Variants in PIK3CB observed in about 807,000 individuals in gnomAD.
The protein encoded by PIK3CB is phosphatidylinositol-4,5-bisphosphate 3-kinase catalytic subunit beta.
Under a neutral mutation model 136.8 loss-of-function variants are expected in PIK3CB, and 39 were observed. That is an observed-to-expected ratio of 0.29 (90% confidence interval 0.22 to 0.37). The LOEUF is 0.37. Ranked by LOEUF, PIK3CB falls within the 10% of genes least tolerant of loss-of-function variation. PIK3CB has a pLI of 1.00. For synonymous variants in PIK3CB, 428 were observed against 436.6 expected, an observed-to-expected ratio of 0.98 and a Z score of 0.25; for missense variants, 868 against 1,275.4, an observed-to-expected ratio of 0.68 and a Z score of 4.87.
intron 4 of PIK3CB, among the ~76,000 whole-genome samples, chr3:138,746,396 C>T (rs2045354750): frequency 6.6e-6 from 1 of 152,162 alleles, no homozygotes; most frequent in African/African-American, 2.4e-5. Context: ...CACGGTGGCT[C>T]ACGCCTGTAA....
At chr3:138,816,400 C>A (rs1933329981) in intron 1 of PIK3CB, among the ~76,000 whole-genome samples, 1 of 152,018 alleles carries the variant, frequency 6.6e-6, no homozygotes, top group Non-Finnish European at 1.5e-5. Context: ...TTGAGACCAG[C>A]CTGGCCAACA....
chr3:138,819,627 T>C (rs1933472143), intron 1 of PIK3CB, among the ~76,000 whole-genome samples: 1 of 152,152 alleles, frequency 6.6e-6, no homozygotes, highest in Non-Finnish European at 1.5e-5. Flanking sequence ...AGGTATCATC[T>C]CAAAGATTTT....
intron 8 of PIK3CB, among the ~76,000 whole-genome samples, chr3:138,719,202 A>G (rs1183794684): frequency 2.0e-5 from 3 of 147,846 alleles, no homozygotes; most frequent in Admixed American, 6.7e-5. Context: ...TAAACAAAGT[A>G]TCTAACTTAT....
At chr3:138,680,333 G>A (rs1417679442) in intron 19 of PIK3CB, among the ~76,000 whole-genome samples, 10 of 151,848 alleles carry the variant, frequency 6.6e-5, no homozygotes, top group Admixed American at 6.6e-4. Flanking sequence ...ACTCCAGCCT[G>A]GGTGACAGAG....
intron 19 of PIK3CB, among the ~76,000 whole-genome samples, chr3:138,671,223 T>C (rs2043525938): frequency 6.6e-6 from 1 of 152,212 alleles, no homozygotes; most frequent in Non-Finnish European, 1.5e-5. Context: ...TGTAAGCCTA[T>C]ACGATATTAC....
At chr3:138,809,259 C>T (rs1365467593) in intron 1 of PIK3CB, among the ~76,000 whole-genome samples, 1 of 151,564 alleles carries the variant, frequency 6.6e-6, no homozygotes, top group Admixed American at 6.6e-5. Flanking sequence ...GCCTGGGAGA[C>T]AGAGTGAGAT....
intron 1 of PIK3CB, among the ~76,000 whole-genome samples, chr3:138,833,912 A>T (rs1934155425): frequency 6.6e-6 from 1 of 152,180 alleles, no homozygotes; most frequent in African/African-American, 2.4e-5. Flanking sequence ...GCCCTGCGGG[A>T]AGAGACTGCA....
At chr3:138,762,613 C>T (rs1019747703) in intron 2 of PIK3CB, among the ~76,000 whole-genome samples, 5 of 152,178 alleles carry the variant, frequency 3.3e-5, no homozygotes, top group African/African-American at 1.2e-4. Flanking sequence ...AAGTAATAAG[C>T]ATTCAATAAG....
chr3:138,807,737 TTTAAAAA>T (rs1057131546), intron 1 of PIK3CB, among the ~76,000 whole-genome samples: 3 of 151,934 alleles, frequency 2.0e-5, no homozygotes, highest in Admixed American at 2.0e-4. Context: ...CACTAAAAAT[TTTAAAAA>T]TTAACCATAC....
At position 138,742,772 on chromosome 3, in the gene PIK3CB, T is replaced by A; in HGVS notation, c.407A>T (p.Glu136Val). 6.2e-7 allele frequency: 1 copy of A among 1,600,700 alleles called. No individual in the cohort carries two copies. Among genetic ancestry groups the A allele is most frequent in the Non-Finnish European group, 8.6e-7 (1 of 1,169,348 alleles). The change falls in exon 5 of 24, where the codon GAA becomes GTA. Residue 136 changes from glutamate (E) to valine (V), a missense_variant. Transcript: ENST00000674063. ...IGVLIGKGLHEFDSLKDPEVN... is the reference protein window; with the variant it reads ...IGVLIGKGLHVFDSLKDPEVN... ...TTCAGGATCCTTCAAGGAATCAAAT[T>A]CATGCAGACCTAAACACATTTTTTA...
chr3:138,715,183 G>T (rs902853156), intron 8 of PIK3CB, among the ~76,000 whole-genome samples: 2 of 152,120 alleles, frequency 1.3e-5, no homozygotes, highest in African/African-American at 4.8e-5. Flanking sequence ...AATAATTTAT[G>T]AATTTGTCAT....
chr3:138,702,483 A>C (rs1181579220), intron 12 of PIK3CB, among the ~76,000 whole-genome samples: 1 of 152,162 alleles, frequency 6.6e-6, no homozygotes, highest in African/African-American at 2.4e-5. Flanking sequence ...AAACTCTCTG[A>C]TTTAGGTCAG....
At chr3:138,798,742 G>A (rs991318128) in intron 1 of PIK3CB, among the ~76,000 whole-genome samples, 1 of 152,048 alleles carries the variant, frequency 6.6e-6, no homozygotes, top group African/African-American at 2.4e-5. Context: ...CACAATAACA[G>A]GACCTATTCT....
At chr3:138,742,802 T>C (rs766115573) in intron 4 of PIK3CB, 21 bp from the exon 5 acceptor site, 1 of 1,357,338 alleles carries the variant, frequency 7.4e-7, no homozygotes, top group South Asian at 1.3e-5. Flanking sequence ...TTTTTAAAGG[T>C]GTCATTTTCA....
chr3:138,689,520 G>T (rs955275301), intron 15 of PIK3CB, among the ~76,000 whole-genome samples: 3 of 152,116 alleles, frequency 2.0e-5, no homozygotes, highest in African/African-American at 7.2e-5. Context: ...TAAACTCCTG[G>T]CCTCAAGTGA....
chr3:138,725,327 CA>C (rs1254756174), intron 8 of PIK3CB, among the ~76,000 whole-genome samples: 2 of 152,170 alleles, frequency 1.3e-5, no homozygotes, highest in East Asian at 3.9e-4. Flanking sequence ...GATATGTCTG[CA>C]CTTGTATTTC....
chr3:138,738,866 C>T (rs1259828181), intron 5 of PIK3CB, among the ~76,000 whole-genome samples: 1 of 152,162 alleles, frequency 6.6e-6, no homozygotes, highest in Non-Finnish European at 1.5e-5. Context: ...ATATTTTCCA[C>T]TAATTTAATT....
intron 19 of PIK3CB, among the ~76,000 whole-genome samples, chr3:138,666,889 A>G (rs953467808): frequency 6.6e-6 from 1 of 152,158 alleles, no homozygotes; most frequent in Admixed American, 6.5e-5. Context: ...AAGTGCCAGG[A>G]GAACATGGCA....
At chr3:138,667,181 C>T (rs1477002948) in intron 19 of PIK3CB, among the ~76,000 whole-genome samples, 1 of 138,536 alleles carries the variant, frequency 7.2e-6, no homozygotes, top group Non-Finnish European at 1.5e-5. Context: ...TGCACTCCAG[C>T]CTGGCGACAG....
Sources: gnomAD v4.1 joint callset for allele counts (sites outside exome capture counted in the v4.1 genomes callset) on GRCh38, gnomAD v4.1.1 for gene constraint, MANE v1.5 for transcripts, NCBI Gene and HGNC (gene_info 2026-07-23, HGNC 2026-07-21) for gene names.